SSBP2: variants seen among roughly 807,000 people sequenced by gnomAD.
SSBP2 encodes single-stranded DNA-binding protein 2.
SSBP2 carries 17 observed loss-of-function variants against 61.8 expected under a neutral mutation model. The observed-to-expected ratio is 0.28, with a 90% CI of 0.19 to 0.41. The LOEUF (loss-of-function observed/expected upper bound fraction) is 0.41, where lower values mean the gene tolerates loss of function less well. Among genes scored for constraint, SSBP2 ranks in the 10% least tolerant of loss-of-function variants. The pLI, the probability that SSBP2 is intolerant of heterozygous loss-of-function variation, is 1.00. For missense variants in SSBP2, 310 were observed against 458.7 expected (o/e 0.68, Z 2.96); for synonymous variants, 139 against 141.3 (o/e 0.98, Z 0.12).
At chr5:81,546,395 G>A (rs1240790485) in intron 4 of SSBP2, among the ~76,000 whole-genome samples, 1 of 151,890 alleles carries the variant, frequency 6.6e-6, no homozygotes, top group Non-Finnish European at 1.5e-5. Context: ...TACTGATATA[G>A]GAGTCAATTT....
intron 4 of SSBP2, among the ~76,000 whole-genome samples, chr5:81,583,423 A>G (rs1428923960): frequency 6.6e-6 from 1 of 151,976 alleles, no homozygotes; most frequent in Admixed American, 6.6e-5. Context: ...AGGTCAGGAG[A>G]TTGAGACCAT....
At chr5:81,729,606 A>T (rs945286831) in intron 1 of SSBP2, among the ~76,000 whole-genome samples, 4 of 152,174 alleles carry the variant, frequency 2.6e-5, no homozygotes, top group Admixed American at 2.6e-4. Context: ...TCTATACTTA[A>T]AGGCTTACTC....
At chr5:81,586,893 T>C (rs1775097608) in intron 4 of SSBP2, among the ~76,000 whole-genome samples, 1 of 151,934 alleles carries the variant, frequency 6.6e-6, no homozygotes, top group Admixed American at 6.6e-5. Flanking sequence ...TCAGCCCCAG[T>C]AAAAATCTTG....
chr5:81,664,110 T>C (rs1202837144), intron 1 of SSBP2, among the ~76,000 whole-genome samples: 1 of 143,044 alleles, frequency 7.0e-6, no homozygotes. Context: ...TTTAACTTTT[T>C]TTTTTGTTTT....
intron 4 of SSBP2, among the ~76,000 whole-genome samples, chr5:81,614,164 T>C (rs974489696): frequency 9.2e-5 from 14 of 151,846 alleles, no homozygotes; most frequent in African/African-American, 3.1e-4. Context: ...ATCGAGACCA[T>C]CTTGGCTAAC....
chr5:81,482,098 A>C (rs1766034836), intron 6 of SSBP2, among the ~76,000 whole-genome samples: 1 of 152,000 alleles, frequency 6.6e-6, no homozygotes, highest in Non-Finnish European at 1.5e-5. Context: ...TGTGCCACCA[A>C]GCCCAGCTAA....
In SSBP2 at chr5:81,615,241, A is replaced by G. The variant is rs950072878; in HGVS notation, c.282+232T>C. 3 of 373,110 alleles carry G rather than the reference A, an allele frequency of 8.0e-6. No individual in the cohort carries two copies. In the South Asian group the frequency reaches 1.6e-4, roughly 20 times the overall value. The allele number at this position is 373,110 out of a possible 1,614,324, so 23.1% of individuals were successfully genotyped here. On this transcript the variant is annotated intron_variant, in intron 4 of 16. Coordinates refer to ENST00000320672, the MANE Select transcript of SSBP2 (RefSeq NM_012446.5). ...AATCAGACATGCTTAAAGATAAGAA[A>G]TTTCTTTAATAGCTTAGAATTAGGC...
intron 1 of SSBP2, among the ~76,000 whole-genome samples, chr5:81,737,759 G>T (rs1756719817): frequency 7.1e-6 from 1 of 141,048 alleles, no homozygotes; most frequent in Non-Finnish European, 1.5e-5. Context: ...CTGCACTCCA[G>T]CCTGGGCAAC....
At chr5:81,587,727 C>T (rs1775162104) in intron 4 of SSBP2, among the ~76,000 whole-genome samples, 1 of 150,340 alleles carries the variant, frequency 6.7e-6, no homozygotes, top group African/African-American at 2.5e-5. Context: ...TAGACTCTGT[C>T]TCAAAACATA....
intron 4 of SSBP2, among the ~76,000 whole-genome samples, chr5:81,590,236 T>C (rs1471404397): frequency 6.6e-6 from 1 of 152,128 alleles, no homozygotes; most frequent in Admixed American, 6.5e-5. Context: ...AAAGTGGGAA[T>C]TGTGGACCTT....
intron 4 of SSBP2, among the ~76,000 whole-genome samples, chr5:81,601,318 G>C (rs1017567011): frequency 6.6e-6 from 1 of 152,154 alleles, no homozygotes; most frequent in South Asian, 2.1e-4. Context: ...AAGTTGGTAA[G>C]GCGGCTGTGA....
intron 8 of SSBP2, among the ~76,000 whole-genome samples, chr5:81,472,129 A>G (rs573035232): frequency 2.6e-4 from 40 of 152,296 alleles, no homozygotes; most frequent in Admixed American, 5.9e-4. Flanking sequence ...GGAGAAATGA[A>G]TAAGTTCATT....
chr5:81,633,732 T>A (rs1463827943), intron 3 of SSBP2, among the ~76,000 whole-genome samples: 1 of 152,162 alleles, frequency 6.6e-6, no homozygotes, highest in Non-Finnish European at 1.5e-5. Flanking sequence ...ACATCTCCAC[T>A]TGGATGGTAT....
chr5:81,691,264 C>A (rs1189827380), intron 1 of SSBP2, among the ~76,000 whole-genome samples: 1 of 151,640 alleles, frequency 6.6e-6, no homozygotes, highest in Non-Finnish European at 1.5e-5. Context: ...TACAAAAGAT[C>A]AATGAAAAAG....
chr5:81,441,269 T>C (rs1763015436), intron 13 of SSBP2, among the ~76,000 whole-genome samples: 1 of 152,186 alleles, frequency 6.6e-6, no homozygotes, highest in Admixed American at 6.5e-5. Flanking sequence ...TTCTTTCCTT[T>C]CTTTTCAGGT....
chr5:81,682,235 A>G (rs1281921348), intron 1 of SSBP2, among the ~76,000 whole-genome samples: 4 of 152,218 alleles, frequency 2.6e-5, no homozygotes, highest in Non-Finnish European at 4.4e-5. Context: ...AGACAAAGAC[A>G]TTACAAGAAA....
chr5:81,624,014 A>G (rs1193593263), intron 3 of SSBP2, among the ~76,000 whole-genome samples: 3 of 152,184 alleles, frequency 2.0e-5, no homozygotes, highest in Non-Finnish European at 4.4e-5. Flanking sequence ...TGTGCTAGGT[A>G]GGTCCCATAT....
At chr5:81,625,073 T>C (rs1051146926) in intron 3 of SSBP2, among the ~76,000 whole-genome samples, 12 of 152,170 alleles carry the variant, frequency 7.9e-5, no homozygotes, top group African/African-American at 2.9e-4. Flanking sequence ...TGTAAGGTTA[T>C]ATAGTATATA....
intron 1 of SSBP2, among the ~76,000 whole-genome samples, chr5:81,700,442 A>T (rs1753906808): frequency 6.6e-6 from 1 of 152,200 alleles, no homozygotes; most frequent in Non-Finnish European, 1.5e-5. Context: ...GGCAGAGTAG[A>T]TTTAGCATCA....
Sources: gnomAD v4.1 joint callset for allele counts (sites outside exome capture counted in the v4.1 genomes callset) on GRCh38, gnomAD v4.1.1 for gene constraint, MANE v1.5 for transcripts, NCBI Gene and HGNC (gene_info 2026-07-23, HGNC 2026-07-21) for gene names.